Variants in DIAPH2 observed in about 807,000 individuals in gnomAD.
DIAPH2 encodes protein diaphanous homolog 2.
A neutral mutation model predicts 92.7 loss-of-function variants in DIAPH2; 35 were observed. That is an observed-to-expected ratio of 0.38 (90% CI 0.29 to 0.50). DIAPH2 has a LOEUF of 0.50. Among genes scored for constraint, DIAPH2 ranks in the 20% least tolerant of loss-of-function variants. The pLI, the probability that DIAPH2 is intolerant of heterozygous loss-of-function variation, is 0.94. For missense variants in DIAPH2, 701 were observed against 819.5 expected, an observed-to-expected ratio of 0.86 and a Z score of 1.77; for synonymous variants, 301 against 280.4, an observed-to-expected ratio of 1.07 and a Z score of -0.73.
chrX:97,122,846 C>T (rs2067067174), intron 21 of DIAPH2, among the ~76,000 whole-genome samples: 1 of 111,155 alleles, frequency 9.0e-6, no homozygotes. Context: ...AAAGAGTTTT[C>T]ATTTGGTGAT....
intron 4 of DIAPH2, among the ~76,000 whole-genome samples, chrX:96,829,184 T>C (rs2064834164): frequency 9.0e-6 from 1 of 111,273 alleles, no homozygotes; most frequent in Non-Finnish European, 1.9e-5. Flanking sequence ...GCAAGCCAAA[T>C]GGCACTGTTC....
chrX:96,954,211 T>G (rs2065795218), intron 15 of DIAPH2: 1 of 112,017 alleles, frequency 8.9e-6, no homozygotes, highest in Non-Finnish European at 1.9e-5. Flanking sequence ...CTGCCTTAAT[T>G]AGTTTTAAAC....
At chrX:96,779,327 G>T (rs148894868) in intron 4 of DIAPH2, among the ~76,000 whole-genome samples, 1,192 of 111,563 alleles carry the variant, frequency 0.011, 23 homozygotes, top group African/African-American at 0.036. Context: ...ATAAAATAAA[G>T]AAATCAAACA....
chrX:97,515,320 C>G (rs1368168219), intron 26 of DIAPH2, among the ~76,000 whole-genome samples: 1 of 112,743 alleles, frequency 8.9e-6, no homozygotes, highest in African/African-American at 3.2e-5. Flanking sequence ...AGGGAACTCC[C>G]TGACCCCTTG....
At chrX:96,777,657 C>T (rs182217784) in intron 4 of DIAPH2, among the ~76,000 whole-genome samples, 14 of 111,645 alleles carry the variant, frequency 1.3e-4, no homozygotes, top group Non-Finnish European at 2.3e-4. Flanking sequence ...TATAAAATGT[C>T]ACATCAGATT....
At position 97,390,953 on chromosome X, in the gene DIAPH2, G is replaced by T. The variant is rs545530673; in HGVS notation, c.3145+6909G>T. 6.9e-4 allele frequency among the ~76,000 whole-genome samples: 77 copies of T among 111,429 alleles called. No homozygotes were observed. The Middle Eastern group carries it at 0.028, about 40-fold the overall frequency. ...GTTTTAGTACCATAGCTCTATTTAC[G>T]TATCAGTCAAATAGTAAACTACTGT... is the stretch of plus-strand genomic sequence containing the variant. On this transcript the variant is annotated intron_variant, in intron 25 of 26. Transcript: ENST00000324765.
chrX:97,129,304 C>T (rs773832123), intron 21 of DIAPH2, among the ~76,000 whole-genome samples: 3 of 108,069 alleles, frequency 2.8e-5, no homozygotes, highest in Non-Finnish European at 5.7e-5. Flanking sequence ...GTAGCTGAGA[C>T]TACAGGTGCA....
At chrX:97,576,505 A>G (rs1159581736) in intron 26 of DIAPH2, among the ~76,000 whole-genome samples, 1 of 111,509 alleles carries the variant, frequency 9.0e-6, no homozygotes, top group Non-Finnish European at 1.9e-5. Context: ...AAGAAAAGAG[A>G]GTTTCATGGA....
At chrX:97,131,750 A>G (rs1468325961) in intron 21 of DIAPH2, among the ~76,000 whole-genome samples, 1 of 112,740 alleles carries the variant, frequency 8.9e-6, no homozygotes, top group Non-Finnish European at 1.9e-5. Context: ...TATTAAAACT[A>G]TTCTCAGAAG....
At chrX:97,440,594 C>CAAAAAAA (rs775916074) in intron 26 of DIAPH2, among the ~76,000 whole-genome samples, 1 of 39,407 alleles carries the variant, frequency 2.5e-5, no homozygotes. Flanking sequence ...CTTCGTCTCA[C>CAAAAAAA]AAAAAAAAAA....
chrX:97,238,042 A>G (rs2068063195), intron 22 of DIAPH2, among the ~76,000 whole-genome samples: 2 of 112,092 alleles, frequency 1.8e-5, no homozygotes, highest in South Asian at 7.4e-4. Flanking sequence ...CACGCATAGT[A>G]TTTGCTGCAG....
chrX:97,337,904 C>T (rs990699104), intron 23 of DIAPH2, among the ~76,000 whole-genome samples: 7 of 97,388 alleles, frequency 7.2e-5, no homozygotes, highest in South Asian at 1.0e-3. Flanking sequence ...AACTGAGTTT[C>T]GCTCGTTGCT....
chrX:97,415,866 TAGTG>T (rs1241480059), intron 25 of DIAPH2, among the ~76,000 whole-genome samples: 1 of 110,116 alleles, frequency 9.1e-6, no homozygotes, highest in Non-Finnish European at 1.9e-5. Context: ...GAAAAAAAAA[TAGTG>T]AGGATGTGAA....
chrX:96,961,872 G>A (rs980721586), intron 16 of DIAPH2, among the ~76,000 whole-genome samples: 2 of 109,451 alleles, frequency 1.8e-5, no homozygotes, highest in African/African-American at 6.6e-5. Context: ...ATCCCATTGT[G>A]GTCTGAGAAG....
chrX:97,044,287 T>C (rs1025289292), intron 17 of DIAPH2, among the ~76,000 whole-genome samples: 1 of 111,731 alleles, frequency 9.0e-6, no homozygotes, highest in African/African-American at 3.2e-5. Flanking sequence ...AATGCTATAT[T>C]GTAAACTATC....
At position 97,532,621 on chromosome X, in the gene DIAPH2, G is replaced by C. The variant is rs142402067; in HGVS notation, c.3242-66632G>C. On this transcript the variant is annotated intron_variant, in intron 26 of 26. Transcript: ENST00000324765. ...AAAAAAGTAAATCCAAAGTCCAAAAGTAGAGGCAGCTTTAACTCTGCACTA... is the reference window on the plus strand; with the variant it reads ...AAAAAAGTAAATCCAAAGTCCAAAACTAGAGGCAGCTTTAACTCTGCACTA... Among the ~76,000 whole-genome samples the C allele has an allele frequency of 2.4e-3, 271 of 112,814 alleles. 1 individual carries two copies. The highest frequency in any genetic ancestry group is 8.2e-3 in the African/African-American group (255 of 31,137).
intron 23 of DIAPH2, among the ~76,000 whole-genome samples, chrX:97,318,105 C>T (rs1272260514): frequency 8.9e-6 from 1 of 111,798 alleles, no homozygotes. Context: ...CCTTCCTCTT[C>T]CCCTCTCCAG....
intron 1 of DIAPH2, among the ~76,000 whole-genome samples, chrX:96,687,502 C>T (rs1393921103): frequency 5.6e-5 from 6 of 108,033 alleles, no homozygotes; most frequent in East Asian, 5.8e-4. Context: ...TCCAGTGGCG[C>T]GATCTTGGCT....
chrX:97,283,718 G>A (rs185646595), intron 23 of DIAPH2, among the ~76,000 whole-genome samples: 149 of 112,599 alleles, frequency 1.3e-3, no homozygotes, highest in Non-Finnish European at 2.5e-3. Context: ...CAAGGCGGGC[G>A]GAACACCTGA....
Sources: allele counts gnomAD v4.1 joint callset (sites outside exome capture counted in the v4.1 genomes callset), GRCh38; gene constraint gnomAD v4.1.1; transcripts MANE v1.5; gene names NCBI Gene and HGNC (gene_info 2026-07-23, HGNC 2026-07-21).